Variants in CALN1 observed in about 807,000 individuals in gnomAD.
CALN1 encodes calcium-binding protein 8.
Under a neutral mutation model 30.6 loss-of-function variants are expected in CALN1, and 17 were observed. The ratio of observed to expected loss-of-function variants is 0.56; its 90% CI spans 0.38 to 0.83. CALN1 has a LOEUF of 0.83. Among genes scored for constraint, CALN1 ranks in the 40% least tolerant of loss-of-function variants. The pLI, the probability that CALN1 is intolerant of heterozygous loss-of-function variation, is 0.00. For synonymous variants in CALN1, 156 were observed against 131.4 expected, an observed-to-expected ratio of 1.19 and a Z score of -1.28; for missense variants, 291 against 354.9, an observed-to-expected ratio of 0.82 and a Z score of 1.45.
intron 5 of CALN1, among the ~76,000 whole-genome samples, chr7:71,825,799 G>A (rs547744231): frequency 1.4e-4 from 22 of 152,132 alleles, no homozygotes; most frequent in Admixed American, 2.6e-4. Context: ...CTGAGAGGCC[G>A]AGGCAGGCTG....
chr7:72,128,010 C>T (rs1054896181), intron 3 of CALN1, among the ~76,000 whole-genome samples: 1 of 151,972 alleles, frequency 6.6e-6, no homozygotes, highest in Non-Finnish European at 1.5e-5. Flanking sequence ...CAATGAAATA[C>T]AATCAGCAAA....
At position 71,798,123 on chromosome 7, in the gene CALN1, CAGAGAGAGAGAGAGAGAGAGAGAG is replaced by C. The variant is rs3973907; in HGVS notation, c.659-10245_659-10222del. On this transcript the variant is annotated intron_variant, in intron 6 of 6. Transcript: ENST00000395275. The stretch of plus-strand genomic sequence containing the variant: ...AGACAGAGAGAGACAGAGACAGAGA[CAGAGAGAGAGAGAGAGAGAGAGAG>C]AGAGAGAGAGAGAGAGAGAGAGAGA... Among the ~76,000 whole-genome samples the C allele has an allele frequency of 5.4e-3, 382 of 71,054 alleles. 3 individuals carry two copies. Among genetic ancestry groups the C allele is most frequent in the African/African-American group, 0.024 (369 of 15,362 alleles). The allele number at this position is 71,054 out of a possible 152,430, so 46.6% of individuals were successfully genotyped here.
At chr7:72,441,566 C>T (rs997818138) in intron 1 of CALN1, among the ~76,000 whole-genome samples, 2 of 141,676 alleles carry the variant, frequency 1.4e-5, no homozygotes, top group Admixed American at 1.5e-4. Context: ...CCATTGCACT[C>T]CAGCCTGAGC....
At chr7:72,092,235 G>C (rs1044881728) in intron 4 of CALN1, among the ~76,000 whole-genome samples, 2 of 151,898 alleles carry the variant, frequency 1.3e-5, no homozygotes, top group Non-Finnish European at 2.9e-5. Flanking sequence ...TTTCCAAGTG[G>C]GTGGGATTCT....
At chr7:72,035,250 C>A (rs1477117939) in intron 4 of CALN1, among the ~76,000 whole-genome samples, 1 of 151,960 alleles carries the variant, frequency 6.6e-6, no homozygotes, top group Admixed American at 6.6e-5. Context: ...AAACTGAAAC[C>A]CCCACCCATG....
At chr7:72,251,961 ATAAT>A (rs1048885129) in intron 3 of CALN1, among the ~76,000 whole-genome samples, 2 of 152,216 alleles carry the variant, frequency 1.3e-5, no homozygotes, top group African/African-American at 4.8e-5. Context: ...ATTAAGAATT[ATAAT>A]TAATTGATCA....
At chr7:72,348,571 T>TTA (rs1802764753) in intron 2 of CALN1, among the ~76,000 whole-genome samples, 1 of 152,194 alleles carries the variant, frequency 6.6e-6, no homozygotes, top group Admixed American at 6.5e-5. Context: ...CAGAGAACAG[T>TTA]TAGTGGAGAG....
intron 2 of CALN1, among the ~76,000 whole-genome samples, chr7:72,323,024 G>T (rs1286446812): frequency 6.8e-6 from 1 of 146,384 alleles, no homozygotes; most frequent in Non-Finnish European, 1.5e-5. Context: ...GGGAAGGCAC[G>T]CAAAAAAACC....
chr7:72,247,246 T>C (rs1212152990), intron 3 of CALN1, among the ~76,000 whole-genome samples: 36,630 of 108,250 alleles, frequency 0.34, 7,827 homozygotes, highest in Middle Eastern at 0.5. Flanking sequence ...TTTTTTTTTT[T>C]TTTTTTTTTT....
rs1296576933 is a variant in CALN1, at chr7:72,375,419, G to T, written c.119+27832C>A. On this transcript the variant is annotated intron_variant, in intron 2 of 6. Transcript: ENST00000395275. The stretch of plus-strand genomic sequence containing the variant: ...CTCTGCAAAAAAATAAAACAGATTA[G>T]TCAAGTGTGGTGGTGCACACCTGTA... 2.0e-5 allele frequency among the ~76,000 whole-genome samples: 3 copies of T among 151,910 alleles called. No individual in the cohort carries two copies. In the East Asian group the frequency reaches 5.8e-4, roughly 30 times the overall value.
chr7:72,011,348 G>A (rs1800071129), intron 5 of CALN1, among the ~76,000 whole-genome samples: 1 of 152,136 alleles, frequency 6.6e-6, no homozygotes, highest in Non-Finnish European at 1.5e-5. Context: ...TGACCAGAGA[G>A]TCAGGTGGCT....
rs541607678 is a variant in CALN1, at chr7:72,217,664, C to T, written c.244+61022G>A. Among the ~76,000 whole-genome samples, 362 of 151,912 alleles carry T rather than the reference C, an allele frequency of 2.4e-3. 2 individuals are homozygous for T. The highest frequency in any genetic ancestry group is 4.1e-3 in the Non-Finnish European group (277 of 67,952). On this transcript the variant is annotated intron_variant, in intron 3 of 6. Coordinates refer to ENST00000395275, the MANE Select transcript of CALN1 (RefSeq NM_031468.4). Reference sequence around the variant, plus strand: ...TAGGGTCCAAACCAGAAAGACCCAACTGACAAACTTGGTGACCTTAAATAT... The same window carrying T: ...TAGGGTCCAAACCAGAAAGACCCAATTGACAAACTTGGTGACCTTAAATAT...
intron 4 of CALN1, among the ~76,000 whole-genome samples, chr7:72,050,721 C>T (rs1418751181): frequency 1.3e-5 from 2 of 152,094 alleles, no homozygotes; most frequent in Non-Finnish European, 2.9e-5. Context: ...TTATTTTGGG[C>T]TGGGTTTGGT....
chr7:71,868,535 C>A (rs1470002229), intron 5 of CALN1, among the ~76,000 whole-genome samples: 1 of 152,002 alleles, frequency 6.6e-6, no homozygotes, highest in African/African-American at 2.4e-5. Flanking sequence ...CCACGCCCGG[C>A]TAATTTTTGT....
At chr7:72,292,366 A>G (rs1196245615) in intron 2 of CALN1, among the ~76,000 whole-genome samples, 4 of 151,284 alleles carry the variant, frequency 2.6e-5, no homozygotes, top group Non-Finnish European at 5.9e-5. Context: ...TTGTCCCCTT[A>G]TAAGAGGACA....
the CALN1 span, among the ~76,000 whole-genome samples, chr7:72,465,910 C>T: frequency 6.6e-6 from 1 of 152,096 alleles, no homozygotes; most frequent in Non-Finnish European, 1.5e-5. Flanking sequence ...ATGGGGACAC[C>T]GATACGGAAG....
rs1788509227 is a variant in CALN1 at position 71,820,184 on chromosome 7, C to T, written c.502-9692G>A. 2.0e-5 allele frequency among the ~76,000 whole-genome samples: 3 copies of T among 152,284 alleles called. No individual in the cohort carries two copies. The South Asian group carries it at 6.2e-4, about 32-fold the overall frequency. On this transcript the variant is annotated intron_variant, in intron 5 of 6. Transcript: ENST00000395275. ...TCTACAATCCTTATCATAAGCCAGA[C>T]ATTCCTTTTGATTGATTCCAAGTCT... is the stretch of plus-strand genomic sequence containing the variant.
chr7:72,114,508 G>A (rs929260215), intron 3 of CALN1, among the ~76,000 whole-genome samples: 10 of 151,942 alleles, frequency 6.6e-5, no homozygotes, highest in South Asian at 2.1e-4. Flanking sequence ...TGACAAGAAT[G>A]GAAAATGGGG....
intron 1 of CALN1, among the ~76,000 whole-genome samples, chr7:72,408,211 T>C (rs1376674619): frequency 6.8e-6 from 1 of 147,942 alleles, no homozygotes; most frequent in Non-Finnish European, 1.5e-5. Flanking sequence ...GGGGGGTGGA[T>C]CACCCAAGGT....
Sources: gnomAD v4.1 joint callset for allele counts (sites outside exome capture counted in the v4.1 genomes callset) on GRCh38, gnomAD v4.1.1 for gene constraint, MANE v1.5 for transcripts, NCBI Gene and HGNC (gene_info 2026-07-23, HGNC 2026-07-21) for gene names.